NEK7: variants seen among roughly 807,000 people sequenced by gnomAD.
The protein encoded by NEK7 is serine/threonine-protein kinase Nek7.
In NEK7, 18 loss-of-function variants were observed where a neutral mutation model predicts 44.6. The ratio of observed to expected loss-of-function variants is 0.40; its 90% CI spans 0.28 to 0.60. The LOEUF (loss-of-function observed/expected upper bound fraction) is 0.60. NEK7 is among the 20% of genes least tolerant of loss of function. The pLI is 0.38. For synonymous variants in NEK7, 130 were observed against 121.1 expected (o/e 1.07, Z -0.48); for missense variants, 256 against 366.5 (o/e 0.70, Z 2.46).
At position 198,163,838 on chromosome 1, in the gene NEK7, A is replaced by T. The variant is rs1240119734; in HGVS notation, c.-29+6562A>T. On this transcript the variant is annotated intron_variant, in intron 1 of 9. Transcript: ENST00000367385. ...AACTGACATTTTTTTCCATTTTCAA[A>T]ATGCATTTAAAATAAAGTTTTAATA... 2.6e-5 allele frequency among the ~76,000 whole-genome samples: 4 copies of T among 152,200 alleles called. No homozygotes were observed. The East Asian group carries it at 7.7e-4, about 29-fold the overall frequency.
Position 198,292,287 on chromosome 1 carries a change from A to G in NEK7, c.590-658A>G, listed in dbSNP as rs561577347. Among the ~76,000 whole-genome samples the G allele has an allele frequency of 1.2e-4, 18 of 152,230 alleles. No homozygotes were observed. In the East Asian group the frequency reaches 3.5e-3, roughly 29 times the overall value. On this transcript the variant is annotated intron_variant, in intron 7 of 9. Transcript: ENST00000367385. Reference sequence around the variant, plus strand: ...CACATCAAAGCAAGCAATTAAAACAAAAATTATCTTGAGTGTCTTGTCTCT... The same window carrying G: ...CACATCAAAGCAAGCAATTAAAACAGAAATTATCTTGAGTGTCTTGTCTCT...
At position 198,319,674 on chromosome 1, in the gene NEK7, C is replaced by T; in HGVS notation, c.*152C>T. 1 of 896,822 alleles carries T rather than the reference C, an allele frequency of 1.1e-6. No individual in the cohort carries two copies. The highest frequency in any genetic ancestry group is 1.5e-6 in the Non-Finnish European group (1 of 660,840). The allele number at this position is 896,822 out of a possible 1,614,324, so 55.6% of individuals were successfully genotyped here. On this transcript the variant is annotated 3_prime_UTR_variant, in exon 10 of 10. Transcript: ENST00000367385. ...TTTTCATATAAGCTTCATTTTGTAC[C>T]AGTCACCTAAATCACCTCCTTGCAA...
chr1:198,230,664 T>TGC (rs1666361678), intron 1 of NEK7, among the ~76,000 whole-genome samples: 1 of 152,050 alleles, frequency 6.6e-6, no homozygotes, highest in Non-Finnish European at 1.5e-5. Context: ...CTGGATGTTC[T>TGC]ATCTATTGTA....
chr1:198,222,219 G>C (rs1489436856), intron 1 of NEK7, among the ~76,000 whole-genome samples: 1 of 151,880 alleles, frequency 6.6e-6, no homozygotes, highest in East Asian at 1.9e-4. Context: ...TAGGTTTCTG[G>C]ATATATGTGA....
At chr1:198,314,743 T>G (rs1655299359) in intron 9 of NEK7, among the ~76,000 whole-genome samples, 1 of 152,208 alleles carries the variant, frequency 6.6e-6, no homozygotes, top group African/African-American at 2.4e-5. Flanking sequence ...GTTAGGCTGC[T>G]CAGGGGTCAG....
chr1:198,256,934 G>C (rs1288844574), intron 3 of NEK7, among the ~76,000 whole-genome samples: 1 of 152,178 alleles, frequency 6.6e-6, no homozygotes, highest in Non-Finnish European at 1.5e-5. Context: ...TAGGAATGAA[G>C]TTGGTTTTTA....
At chr1:198,159,903 T>G (rs1261913895) in intron 1 of NEK7, among the ~76,000 whole-genome samples, 1 of 152,212 alleles carries the variant, frequency 6.6e-6, no homozygotes, top group Non-Finnish European at 1.5e-5. Context: ...CAGTTACAGT[T>G]TGTGTAAATA....
At chr1:198,270,317 G>A (rs896034660) in intron 5 of NEK7, among the ~76,000 whole-genome samples, 2 of 151,896 alleles carry the variant, frequency 1.3e-5, no homozygotes, top group African/African-American at 4.8e-5. Flanking sequence ...GTAAATGCAT[G>A]TATTTAATAT....
intron 5 of NEK7, among the ~76,000 whole-genome samples, chr1:198,268,010 A>G (rs746553880): frequency 6.8e-6 from 1 of 147,988 alleles, no homozygotes; most frequent in African/African-American, 2.5e-5. Flanking sequence ...TTCCTAAAAC[A>G]CTCCTCCATC....
At chr1:198,258,179 G>C (rs539318241) in intron 3 of NEK7, among the ~76,000 whole-genome samples, 1 of 152,172 alleles carries the variant, frequency 6.6e-6, no homozygotes, top group African/African-American at 2.4e-5. Context: ...GTGACTCAAC[G>C]CCTGTAATCC....
intron 7 of NEK7, among the ~76,000 whole-genome samples, chr1:198,279,676 T>TCATA (rs34569515): frequency 0.14 from 20,894 of 151,846 alleles, 2,090 homozygotes; most frequent in East Asian, 0.57. Context: ...ATCTTTGGTG[T>TCATA]CATAATTTCA....
chr1:198,299,298 G>T (rs546184576), intron 9 of NEK7, among the ~76,000 whole-genome samples: 1 of 152,256 alleles, frequency 6.6e-6, no homozygotes, highest in South Asian at 2.1e-4. Flanking sequence ...CAAAACAAGA[G>T]CTTTGAAATG....
intron 9 of NEK7, among the ~76,000 whole-genome samples, chr1:198,301,995 C>T (rs552895233): frequency 1.5e-4 from 23 of 152,206 alleles, no homozygotes; most frequent in South Asian, 4.1e-4. Context: ...GTCTGATTAA[C>T]GCTTTTTTAG....
At chr1:198,225,082 C>G (rs1385562148) in intron 1 of NEK7, among the ~76,000 whole-genome samples, 2 of 151,908 alleles carry the variant, frequency 1.3e-5, no homozygotes, top group African/African-American at 2.4e-5. Flanking sequence ...GTGGCTCACG[C>G]CTGAAATCTC....
At chr1:198,296,963 CTT>C (rs1308164211) in intron 8 of NEK7, among the ~76,000 whole-genome samples, 162 bp from the exon 9 acceptor site, 3 of 152,056 alleles carry the variant, frequency 2.0e-5, no homozygotes, top group Non-Finnish European at 2.9e-5. Context: ...ATTTTTAACT[CTT>C]AATAAATTTC....
chr1:198,221,834 T>C (rs1340178688), intron 1 of NEK7, among the ~76,000 whole-genome samples: 1 of 151,952 alleles, frequency 6.6e-6, no homozygotes, highest in Non-Finnish European at 1.5e-5. Flanking sequence ...TTAGAAAAAT[T>C]AACTTATTAA....
chr1:198,203,942 T>G (rs1421056936), intron 1 of NEK7, among the ~76,000 whole-genome samples: 2 of 152,182 alleles, frequency 1.3e-5, no homozygotes, highest in Admixed American at 1.3e-4. Context: ...CTTTGTATTT[T>G]GAGGATACAA....
At chr1:198,301,888 ATGTAT>A (rs1346869337) in intron 9 of NEK7, among the ~76,000 whole-genome samples, 1 of 152,246 alleles carries the variant, frequency 6.6e-6, no homozygotes, top group Non-Finnish European at 1.5e-5. Context: ...ATAATTGTAA[ATGTAT>A]TGTAAATAAG....
chr1:198,242,631 TTTTTGTA>T (rs1666719050), intron 2 of NEK7, among the ~76,000 whole-genome samples: 1 of 151,590 alleles, frequency 6.6e-6, no homozygotes, highest in Admixed American at 6.6e-5. Flanking sequence ...CCTGCTAGTT[TTTTTGTA>T]TTTTTAGTAC....
Sources: allele counts gnomAD v4.1 joint callset (sites outside exome capture counted in the v4.1 genomes callset), GRCh38; gene constraint gnomAD v4.1.1; transcripts MANE v1.5; gene names NCBI Gene and HGNC (gene_info 2026-07-23, HGNC 2026-07-21).